CSMD1: variants seen among roughly 807,000 people sequenced by gnomAD.
CSMD1 encodes the protein CUB and sushi domain-containing protein 1.
In CSMD1, 213 loss-of-function variants were observed where a neutral mutation model predicts 417.5. The observed-to-expected ratio is 0.51, with a 90% CI of 0.46 to 0.57. CSMD1 has a LOEUF of 0.57. Among genes scored for constraint, CSMD1 ranks in the 20% least tolerant of loss-of-function variants. The pLI is 0.00. For missense variants in CSMD1, 6,923 were observed against 4,529.7 expected (o/e 1.53, Z -15.17); for synonymous variants, 2,862 against 1,736.8 (o/e 1.65, Z -16.11).
intron 3 of CSMD1, among the ~76,000 whole-genome samples, chr8:4,197,171 A>G (rs1263958113): frequency 6.6e-6 from 1 of 152,210 alleles, no homozygotes; most frequent in Non-Finnish European, 1.5e-5. Flanking sequence ...TCCTACGGTC[A>G]AAAAATGTGT....
At chr8:4,758,301 G>C (rs1055804359) in intron 1 of CSMD1, among the ~76,000 whole-genome samples, 3 of 152,178 alleles carry the variant, frequency 2.0e-5, no homozygotes, top group African/African-American at 7.2e-5. Context: ...CCTTTTGAAT[G>C]TTATGCTTAA....
chr8:3,629,442 C>G (rs941848046), intron 7 of CSMD1, among the ~76,000 whole-genome samples: 3 of 152,018 alleles, frequency 2.0e-5, no homozygotes, highest in East Asian at 3.9e-4. Context: ...AAATATCAAC[C>G]ATACAATATT....
chr8:3,998,372 G>C (rs993097677), intron 4 of CSMD1, among the ~76,000 whole-genome samples: 1 of 152,208 alleles, frequency 6.6e-6, no homozygotes, highest in African/African-American at 2.4e-5. Context: ...CATGGAAAGT[G>C]TAGTTGCCAT....
At chr8:4,325,591 A>G (rs1361052994) in intron 3 of CSMD1, among the ~76,000 whole-genome samples, 1 of 152,184 alleles carries the variant, frequency 6.6e-6, no homozygotes, top group Non-Finnish European at 1.5e-5. Flanking sequence ...AAGAATTATT[A>G]TAGTAGGCAG....
At position 3,574,953 on chromosome 8, in the gene CSMD1, G is replaced by T. The variant is rs770563919; in HGVS notation, c.1336C>A (p.Pro446Thr). 1 of 1,612,228 alleles carries T rather than the reference G, an allele frequency of 6.2e-7. No individual in the cohort carries two copies. The highest frequency in any genetic ancestry group is 1.1e-5 in the South Asian group (1 of 90,952). ...HCVWVITTTDPDKVIKLAFEE... is the reference protein window; with the variant it reads ...HCVWVITTTDTDKVIKLAFEE... ...TGGAGGCGGAGCCTTACCTTGTCCG[G>T]GTCGGTGGTGGTGATGACCCACACA... Residue 446 changes from proline to threonine, a missense_variant, in exon 10 of 70, where the codon CCG becomes ACG. Pro to Thr is a conservative substitution (Grantham distance 38). Coordinates refer to ENST00000635120, the MANE Select transcript of CSMD1 (RefSeq NM_033225.6).
At chr8:3,551,942 G>A (rs991779419) in intron 10 of CSMD1, among the ~76,000 whole-genome samples, 4 of 152,144 alleles carry the variant, frequency 2.6e-5, no homozygotes, top group African/African-American at 9.7e-5. Context: ...GCTACTGAAA[G>A]ATGAGGCTGC....
intron 3 of CSMD1, among the ~76,000 whole-genome samples, chr8:4,409,466 G>A (rs1796524558): frequency 6.6e-6 from 1 of 152,050 alleles, no homozygotes; most frequent in Non-Finnish European, 1.5e-5. Context: ...CAGCAAGAAT[G>A]CCTATCTACC....
At chr8:4,580,139 G>T (rs538285350) in intron 2 of CSMD1, among the ~76,000 whole-genome samples, 1 of 152,128 alleles carries the variant, frequency 6.6e-6, no homozygotes, top group East Asian at 1.9e-4. Context: ...CACCTATGTG[G>T]CCCTGACTGT....
chr8:4,390,470 A>G (rs1384024519), intron 3 of CSMD1, among the ~76,000 whole-genome samples: 1 of 130,534 alleles, frequency 7.7e-6, no homozygotes, highest in East Asian at 2.1e-4. Flanking sequence ...CATAGTTAAG[A>G]AAACTGTTAC....
At chr8:4,337,471 G>A (rs2068943075) in intron 3 of CSMD1, among the ~76,000 whole-genome samples, 1 of 151,918 alleles carries the variant, frequency 6.6e-6, no homozygotes, top group Non-Finnish European at 1.5e-5. Context: ...CACTGTGATG[G>A]GATCTCTGCT....
At chr8:3,492,239 T>C (rs1181665811) in intron 11 of CSMD1, among the ~76,000 whole-genome samples, 1 of 152,124 alleles carries the variant, frequency 6.6e-6, no homozygotes, top group Non-Finnish European at 1.5e-5. Flanking sequence ...AAGCAACCAG[T>C]GGCATGCCGC....
chr8:3,311,611 G>A (rs529976282), intron 23 of CSMD1, among the ~76,000 whole-genome samples: 2 of 152,186 alleles, frequency 1.3e-5, no homozygotes, highest in African/African-American at 4.8e-5. Flanking sequence ...ATTGAATACT[G>A]TACAGGAAAT....
At chr8:3,271,253 T>G (rs1336316514) in intron 26 of CSMD1, among the ~76,000 whole-genome samples, 1 of 152,070 alleles carries the variant, frequency 6.6e-6, no homozygotes, top group Non-Finnish European at 1.5e-5. Context: ...ACAAAGCACA[T>G]GAACTCATCA....
At chr8:4,428,780 C>T (rs1056416063) in intron 2 of CSMD1, among the ~76,000 whole-genome samples, 4 of 152,116 alleles carry the variant, frequency 2.6e-5, no homozygotes, top group South Asian at 2.1e-4. Context: ...AGTGCAGTGG[C>T]GTGATCTTGG....
intron 5 of CSMD1, among the ~76,000 whole-genome samples, chr8:3,892,074 G>C (rs917747634): frequency 3.3e-5 from 5 of 152,116 alleles, no homozygotes; most frequent in South Asian, 4.1e-4. Flanking sequence ...GGTTCATTGT[G>C]TGTGTGCTTT....
intron 2 of CSMD1, among the ~76,000 whole-genome samples, chr8:4,549,911 A>AG (rs1785554432): frequency 2.6e-5 from 4 of 150,988 alleles, no homozygotes; most frequent in South Asian, 4.2e-4. Context: ...AAAAAAAAAA[A>AG]AAAAAAAAAG....
At chr8:4,423,315 G>A (rs1797356279) in intron 2 of CSMD1, among the ~76,000 whole-genome samples, 1 of 151,966 alleles carries the variant, frequency 6.6e-6, no homozygotes, top group African/African-American at 2.4e-5. Flanking sequence ...AAAATGCCAA[G>A]GAATCTACAA....
At chr8:4,326,224 G>C (rs1799556070) in intron 3 of CSMD1, among the ~76,000 whole-genome samples, 1 of 152,174 alleles carries the variant, frequency 6.6e-6, no homozygotes, top group Non-Finnish European at 1.5e-5. Context: ...ACACTGCTTT[G>C]AAAACCATTG....
At chr8:4,724,885 C>A (rs999293983) in intron 1 of CSMD1, among the ~76,000 whole-genome samples, 1 of 151,944 alleles carries the variant, frequency 6.6e-6, no homozygotes, top group Non-Finnish European at 1.5e-5. Flanking sequence ...AAAACCTCAA[C>A]TATAATATGA....
Sources: allele counts gnomAD v4.1 joint callset (sites outside exome capture counted in the v4.1 genomes callset), GRCh38; gene constraint gnomAD v4.1.1; transcripts MANE v1.5; gene names NCBI Gene and HGNC (gene_info 2026-07-23, HGNC 2026-07-21).